STK3: variants seen among roughly 807,000 people sequenced by gnomAD.
STK3 encodes serine/threonine kinase 3, also known as serine/threonine-protein kinase 3.
Under a neutral mutation model 58.0 loss-of-function variants are expected in STK3, and 41 were observed. The ratio of observed to expected loss-of-function variants is 0.71; its 90% CI spans 0.55 to 0.92. The LOEUF is 0.92. Ranked by LOEUF, STK3 falls within the 40% of genes least tolerant of loss-of-function variation. The pLI, the probability that STK3 is intolerant of heterozygous loss-of-function variation, is 0.00. For missense variants in STK3, 479 were observed against 602.7 expected (o/e 0.79, Z 2.15); for synonymous variants, 170 against 191.0 (o/e 0.89, Z 0.91).
intron 9 of STK3, among the ~76,000 whole-genome samples, chr8:98,531,899 TCAGCCTTC>T (rs1371103015): frequency 6.6e-6 from 1 of 152,236 alleles, no homozygotes; most frequent in African/African-American, 2.4e-5. Context: ...CTTACCTCTT[TCAGCCTTC>T]CAGAATTAAA....
chr8:98,610,352 G>A (rs1047209925), intron 6 of STK3, among the ~76,000 whole-genome samples: 3 of 152,144 alleles, frequency 2.0e-5, no homozygotes, highest in African/African-American at 7.2e-5. Context: ...GAGTTCCAAG[G>A]ACAAGAAGTT....
intron 4 of STK3, among the ~76,000 whole-genome samples, chr8:98,708,951 C>T (rs1448811702): frequency 1.3e-5 from 2 of 151,194 alleles, no homozygotes; most frequent in African/African-American, 2.4e-5. Flanking sequence ...AGCTGGTTGC[C>T]GAAAAAACCA....
At chr8:98,716,817 CACAG>C (rs1482927154) in intron 4 of STK3, among the ~76,000 whole-genome samples, 4 of 152,016 alleles carry the variant, frequency 2.6e-5, no homozygotes, top group Non-Finnish European at 4.4e-5. Context: ...TTGGCATAAA[CACAG>C]ACAGATAGAT....
At chr8:98,657,016 G>T (rs1263063784) in intron 6 of STK3, among the ~76,000 whole-genome samples, 1 of 151,942 alleles carries the variant, frequency 6.6e-6, no homozygotes, top group Non-Finnish European at 1.5e-5. Flanking sequence ...AAAACTCCCT[G>T]CCTTTAAAGA....
chr8:98,821,770 G>C (rs1834918173), intron 1 of STK3, among the ~76,000 whole-genome samples: 1 of 152,076 alleles, frequency 6.6e-6, no homozygotes, highest in Admixed American at 6.6e-5. Flanking sequence ...ACCTCAAGTT[G>C]GTGACATGGG....
chr8:98,673,828 C>T lies in STK3; in HGVS notation c.684+32639G>A, dbSNP rs146626348. Among the ~76,000 whole-genome samples, 12 of 152,146 alleles carry T rather than the reference C, an allele frequency of 7.9e-5. No individual in the cohort carries two copies. In the East Asian group the frequency reaches 2.3e-3, roughly 29 times the overall value. On this transcript the variant is annotated intron_variant, in intron 6 of 10. Transcript: ENST00000419617. ...TTTATTAACACCATCCAAAAAAATA[C>T]TTAGAACAATAGCAGTGATACAAAA...
intron 10 of STK3, among the ~76,000 whole-genome samples, chr8:98,462,609 C>A (rs772214787): frequency 2.0e-5 from 3 of 148,174 alleles, no homozygotes; most frequent in Admixed American, 6.7e-5. Flanking sequence ...CTACATATAT[C>A]GCTAGGTCTT....
intron 10 of STK3, among the ~76,000 whole-genome samples, chr8:98,478,501 T>C (rs1348605688): frequency 6.6e-6 from 1 of 152,218 alleles, no homozygotes; most frequent in Non-Finnish European, 1.5e-5. Context: ...CCTGGAGTTC[T>C]CACTGAGGAA....
At chr8:98,746,492 G>A (rs1442077957) in intron 4 of STK3, among the ~76,000 whole-genome samples, 1 of 151,994 alleles carries the variant, frequency 6.6e-6, no homozygotes, top group Non-Finnish European at 1.5e-5. Flanking sequence ...ACACGACTGT[G>A]GTTCCAGCTA....
chr8:98,462,681 G>C (rs1269193418), intron 10 of STK3, among the ~76,000 whole-genome samples: 1 of 152,130 alleles, frequency 6.6e-6, no homozygotes, highest in Non-Finnish European at 1.5e-5. Context: ...TTTTTCTATG[G>C]ACCAAGCATA....
chr8:98,385,067 C>T (rs538338320), intron 1 of STK3, among the ~76,000 whole-genome samples: 8 of 152,082 alleles, frequency 5.3e-5, no homozygotes, highest in Admixed American at 2.0e-4. Flanking sequence ...TTTTGAATTT[C>T]AAAAGCCAGT....
chr8:98,528,384 A>G (rs888943507), intron 9 of STK3, among the ~76,000 whole-genome samples: 1 of 152,158 alleles, frequency 6.6e-6, no homozygotes, highest in African/African-American at 2.4e-5. Flanking sequence ...TGGTTTTCAA[A>G]TTGGATCCTT....
intron 8 of STK3, among the ~76,000 whole-genome samples, chr8:98,552,182 C>G (rs989798458): frequency 5.3e-5 from 8 of 152,062 alleles, no homozygotes; most frequent in African/African-American, 1.9e-4. Context: ...TTATTCCATC[C>G]ATTCTAGTCC....
chr8:98,684,058 G>A (rs2130911022), intron 6 of STK3, among the ~76,000 whole-genome samples: 1 of 152,244 alleles, frequency 6.6e-6, no homozygotes, highest in Middle Eastern at 3.4e-3. Context: ...CTCTGCCCCA[G>A]AAACAGCTCA....
chr8:98,562,737 GAAAAAAAAAA>G (rs778049177), intron 8 of STK3, among the ~76,000 whole-genome samples: 3,241 of 17,320 alleles, frequency 0.19, 43 homozygotes, highest in South Asian at 0.25. Context: ...CACAAAAAAT[GAAAAAAAAAA>G]AAAAAAAAAA....
chr8:98,630,765 C>T (rs1404101912), intron 6 of STK3, among the ~76,000 whole-genome samples: 1 of 141,692 alleles, frequency 7.1e-6, no homozygotes, highest in Non-Finnish European at 1.5e-5. Context: ...AGGAGAAGAA[C>T]AAGAAGAAGA....
At chr8:98,690,204 C>A (rs1262975694) in intron 6 of STK3, among the ~76,000 whole-genome samples, 1 of 151,968 alleles carries the variant, frequency 6.6e-6, no homozygotes, top group Admixed American at 6.6e-5. Context: ...AGCAATAAGG[C>A]AAGAGAAAGA....
rs1424205963 is a variant in STK3, at chr8:98,706,511, T to C, written c.640A>G (p.Met214Val). The C allele has an allele frequency of 2.5e-6, 4 of 1,613,724 alleles. No individual in the cohort carries two copies. Among genetic ancestry groups the C allele is most frequent in the African/African-American group, 2.7e-5 (2 of 74,928 alleles). Residue 214 changes from methionine (M) to valine (V), a missense_variant, in exon 6 of 11, where the codon ATG (methionine) becomes GTG (valine). Physicochemically the swap from Met to Val is conservative, Grantham distance 21. Transcript: ENST00000419617. ...GCATAAGGAGGTTTTCCTTCAGCCA[T>C]TTCTATAGAAGTAATGCCAAGGGAC... is the stretch of plus-strand genomic sequence containing the variant. ...IWSLGITSIE[M>V]AEGKPPYADI...
intron 10 of STK3, among the ~76,000 whole-genome samples, chr8:98,458,246 T>A (rs1819652651): frequency 6.6e-6 from 1 of 152,152 alleles, no homozygotes. Flanking sequence ...GGAAATGCAC[T>A]GAATCTGTAG....
Sources: allele counts gnomAD v4.1 joint callset (sites outside exome capture counted in the v4.1 genomes callset), GRCh38; gene constraint gnomAD v4.1.1; transcripts MANE v1.5; gene names NCBI Gene and HGNC (gene_info 2026-07-23, HGNC 2026-07-21).